Variants in NRXN1 observed in about 807,000 individuals in gnomAD.
NRXN1 encodes neurexin 1.
In NRXN1, 39 loss-of-function variants were observed where a neutral mutation model predicts 150.9. The observed-to-expected ratio is 0.26, with a 90% confidence interval of 0.20 to 0.34. NRXN1 has a LOEUF of 0.34. NRXN1 is among the 10% of genes least tolerant of loss of function. The probability of loss-of-function intolerance (pLI) is 1.00; values close to 1 mark genes in which losing one functional copy is unlikely to be tolerated. For missense variants in NRXN1, 1,815 were observed against 1,949.9 expected (o/e 0.93, Z 1.30); for synonymous variants, 924 against 757.0 (o/e 1.22, Z -3.62).
chr2:51,007,507 C>T (rs540908318), intron 2 of NRXN1, among the ~76,000 whole-genome samples: 1 of 152,042 alleles, frequency 6.6e-6, no homozygotes, highest in African/African-American at 2.4e-5. Flanking sequence ...ATAATAAGCA[C>T]ATAACCATTA....
chr2:50,988,156 A>G (rs1698001233), intron 2 of NRXN1, among the ~76,000 whole-genome samples: 2 of 151,990 alleles, frequency 1.3e-5, no homozygotes, highest in South Asian at 4.1e-4. Flanking sequence ...TGACAAAAAT[A>G]AGTCAGGCCT....
At chr2:50,524,334 C>T (rs2092882365) in intron 12 of NRXN1, among the ~76,000 whole-genome samples, 1 of 151,916 alleles carries the variant, frequency 6.6e-6, no homozygotes, top group Non-Finnish European at 1.5e-5. Context: ...CAAAAATTAG[C>T]CAGGCATGCT....
intron 5 of NRXN1, chr2:50,632,323 G>A (rs536530637): frequency 1.3e-5 from 2 of 152,068 alleles, no homozygotes; most frequent in South Asian, 4.1e-4. Flanking sequence ...CTAAATTATA[G>A]AATGTATTTT....
chr2:50,615,485 A>G (rs1678914726), intron 8 of NRXN1: 1 of 152,180 alleles, frequency 6.6e-6, no homozygotes, highest in Non-Finnish European at 1.5e-5. Context: ...TCGGGGGCAC[A>G]AAGAGACCAG....
At chr2:50,870,155 G>A (rs1677557511) in intron 5 of NRXN1, among the ~76,000 whole-genome samples, 1 of 151,816 alleles carries the variant, frequency 6.6e-6, no homozygotes, top group African/African-American at 2.4e-5. Context: ...GAAATTTGGA[G>A]ACAAATAATA....
intron 5 of NRXN1, among the ~76,000 whole-genome samples, chr2:50,766,188 A>C (rs539167776): frequency 6.6e-6 from 1 of 151,984 alleles, no homozygotes; most frequent in Non-Finnish European, 1.5e-5. Context: ...GAGGAAAAGG[A>C]GGTTTTCTAT....
Position 51,032,027 on chromosome 2 carries a change from T to G in NRXN1, c.-968A>C, listed in dbSNP as rs1671658195. On this transcript the variant is annotated 5_prime_UTR_variant, in exon 1 of 23. The change abolishes an upstream ATG in the 5' untranslated region. Transcript: ENST00000401669. ...CTCGAGCCAGAGCCTGAAGCATGCA[T>G]CGGTCAAAGCGAATTTCCTGAGGTC... 6.6e-6 allele frequency: 1 copy of G among 152,144 alleles called. No homozygotes were observed. Among genetic ancestry groups the G allele is most frequent in the Non-Finnish European group, 1.5e-5 (1 of 68,090 alleles). The allele number at this position is 152,144 out of a possible 1,614,324, so 9.4% of individuals were successfully genotyped here.
chr2:50,554,644 T>C (rs569449647), intron 8 of NRXN1, among the ~76,000 whole-genome samples: 82 of 152,158 alleles, frequency 5.4e-4, no homozygotes, highest in Non-Finnish European at 1.0e-3. Flanking sequence ...ATAATAAAAA[T>C]CAATGCTTTA....
Position 50,149,843 on chromosome 2 carries a change from C to A in NRXN1, c.3547-58349G>T, listed in dbSNP as rs13407125. Among the ~76,000 whole-genome samples, 974 of 151,560 alleles carry A rather than the reference C, an allele frequency of 6.4e-3. 14 individuals are homozygous for A. The highest frequency in any genetic ancestry group is 0.022 in the African/African-American group (913 of 41,418). On this transcript the variant is annotated intron_variant, in intron 18 of 22. Coordinates refer to ENST00000401669, the MANE Select transcript of NRXN1 (RefSeq NM_001330078.2). ...GTTCTGACTCAAGAGAAGACTTGAG[C>A]CCCCAGAAATAGGCTTGTTTTCATT...
chr2:50,437,702 A>G (rs2085564598), intron 17 of NRXN1, among the ~76,000 whole-genome samples: 1 of 138,522 alleles, frequency 7.2e-6, no homozygotes, highest in South Asian at 2.2e-4. Context: ...GGAGTTCTGG[A>G]TGCATTTGTG....
chr2:50,892,794 C>T (rs1296088146), intron 5 of NRXN1, among the ~76,000 whole-genome samples: 1 of 152,108 alleles, frequency 6.6e-6, no homozygotes, highest in Admixed American at 6.6e-5. Context: ...ATTGGAGCAG[C>T]CATTAACATG....
intron 21 of NRXN1, among the ~76,000 whole-genome samples, chr2:49,964,485 C>T (rs757227844): frequency 3.4e-4 from 51 of 151,314 alleles, no homozygotes; most frequent in Middle Eastern, 3.4e-3. Flanking sequence ...GAGGCTGAGG[C>T]GGGAAAATTG....
intron 18 of NRXN1, among the ~76,000 whole-genome samples, chr2:50,220,003 ATATAATATAT>A (rs1179033651): frequency 5.2e-4 from 20 of 38,224 alleles, no homozygotes; most frequent in Admixed American, 2.6e-3. Flanking sequence ...AATATATATT[ATATAATATAT>A]TATATATATA....
intron 17 of NRXN1, among the ~76,000 whole-genome samples, chr2:50,437,572 T>C (rs912692633): frequency 6.6e-6 from 1 of 152,100 alleles, no homozygotes; most frequent in Admixed American, 6.6e-5. Context: ...TTTGTTGATA[T>C]CATGTGTTGA....
At position 50,480,675 on chromosome 2, in the gene NRXN1, G is replaced by A. The variant is rs371399104; in HGVS notation, c.3071-8204C>T. ...TGGGCCACCACTCAAAGACTCCTAA[G>A]GTTAGAGTCCTTCTAGTTTGTAGCT... On this transcript the variant is annotated intron_variant, in intron 15 of 22. Transcript: ENST00000401669. 2.6e-5 allele frequency among the ~76,000 whole-genome samples: 4 copies of A among 152,230 alleles called. No homozygotes were observed. The East Asian group carries it at 5.8e-4, about 22-fold the overall frequency.
intron 17 of NRXN1, among the ~76,000 whole-genome samples, chr2:50,297,585 G>A (rs1915229): frequency 0.084 from 12,847 of 152,170 alleles, 630 homozygotes; most frequent in Middle Eastern, 0.14. Flanking sequence ...CTATTTCAAC[G>A]TTTGCATTCT....
intron 5 of NRXN1, among the ~76,000 whole-genome samples, chr2:50,745,950 A>T (rs144316120): frequency 1.4e-4 from 21 of 152,200 alleles, no homozygotes; most frequent in African/African-American, 4.6e-4. Context: ...AACAGTAATC[A>T]AGAAGACAGA....
At chr2:49,960,140 T>G (rs778348450) in intron 21 of NRXN1, among the ~76,000 whole-genome samples, 2 of 152,188 alleles carry the variant, frequency 1.3e-5, no homozygotes, top group Non-Finnish European at 2.9e-5. Flanking sequence ...ATTTTAAGTA[T>G]GTTGCCATGG....
chr2:49,922,097 G>A lies in NRXN1; in HGVS notation c.4371C>T (p.Asn1457=). ...ILLYAMYKYR[N]RDEGSYHVDE... is the part of the protein sequence containing the mutation. ...CCACATGGTATGAGCCTTCATCCCGGTTTCTGTACTTGTACATGGCATAGA... is the reference window on the plus strand; with the variant it reads ...CCACATGGTATGAGCCTTCATCCCGATTTCTGTACTTGTACATGGCATAGA... The change falls in exon 23 of 23, where the codon AAC becomes AAT. Residue 1457 remains asparagine, a synonymous_variant. Transcript: ENST00000401669. 6.2e-7 allele frequency: 1 copy of A among 1,614,106 alleles called. No homozygotes were observed. The highest frequency in any genetic ancestry group is 8.5e-7 in the Non-Finnish European group (1 of 1,180,030).
Sources: allele counts gnomAD v4.1 joint callset (sites outside exome capture counted in the v4.1 genomes callset), GRCh38; gene constraint gnomAD v4.1.1; transcripts MANE v1.5; gene names NCBI Gene and HGNC (gene_info 2026-07-23, HGNC 2026-07-21).